The following FCHO1 variants were observed in gnomAD, a reference collection of about 807,000 sequenced individuals.
FCHO1 encodes the protein FCH and mu domain containing endocytic adaptor 1.
FCHO1 carries 45 observed loss-of-function variants against 114.4 expected under a neutral mutation model. The ratio of observed to expected loss-of-function variants is 0.39; its 90% CI spans 0.31 to 0.50. The LOEUF (loss-of-function observed/expected upper bound fraction) is 0.50, where lower values mean the gene tolerates loss of function less well. Among genes scored for constraint, FCHO1 ranks in the 20% least tolerant of loss-of-function variants. FCHO1 has a pLI of 0.77. For missense variants in FCHO1, 1,042 were observed against 1,209.6 expected (o/e 0.86, Z 2.06); for synonymous variants, 480 against 488.9 (o/e 0.98, Z 0.24).
intron 1 of FCHO1, chr19:17,752,138 T>C (rs1294749719): frequency 1.3e-5 from 2 of 152,240 alleles, no homozygotes; most frequent in South Asian, 2.1e-4. Context: ...TAGAACAATG[T>C]TGGCCATCCA....
At chr19:17,783,592 T>G (rs1239936279) in intron 24 of FCHO1, among the ~76,000 whole-genome samples, 1 of 150,060 alleles carries the variant, frequency 6.7e-6, no homozygotes, top group East Asian at 2.0e-4. Context: ...TAATTATTAT[T>G]TTTTTGAGAT....
chr19:17,770,383 GA>G (rs775350674), intron 7 of FCHO1, 41 bp from the exon 8 acceptor site: 1 of 1,568,948 alleles, frequency 6.4e-7, no homozygotes, highest in Non-Finnish European at 8.7e-7. Context: ...GGGAGGTCAG[GA>G]ATTTCACAGT....
chr19:17,783,078 T>C lies in FCHO1; in HGVS notation c.1999T>C (p.Phe667Leu). 3 of 1,614,114 alleles carry C rather than the reference T, an allele frequency of 1.9e-6. No homozygotes were observed. Among genetic ancestry groups the C allele is most frequent in the Non-Finnish European group, 2.5e-6 (3 of 1,180,010 alleles). ...CTTCCCTGCTGGCATCGTGCGTGTG[T>C]TCAGCGGGACCCCACCACCACCTGT... ...MTFPAGIVRV[F>L]SGTPPPPVLS... The change falls in exon 24 of 29, where the codon TTC (phenylalanine) becomes CTC (leucine). Residue 667 changes from phenylalanine to leucine, a missense_variant. This residue lies in a region of FCHO1 where 455 missense variants were observed against 455.4 expected (regional missense o/e 1.00). Transcript: ENST00000596536.
Position 17,775,526 on chromosome 19 carries a change from C to T in FCHO1, c.1003+13C>T, listed in dbSNP as rs776855195. On this transcript the variant is annotated intron_variant, in intron 15 of 28. Transcript: ENST00000596536. The surrounding 1 kb of genome is among the most constrained non-coding windows in gnomAD (Gnocchi z 5.1). ...GTGACCCAGAACAATATCCTTCTGG[C>T]ACCCCCTGGGGGCAGTTGTTGGCAC... The T allele has an allele frequency of 3.1e-6, 5 of 1,612,752 alleles. No individual in the cohort carries two copies. In the South Asian group the frequency reaches 5.5e-5, roughly 18 times the overall value.
chr19:17,763,738 T>A (rs1053310000), intron 5 of FCHO1, among the ~76,000 whole-genome samples: 18 of 151,484 alleles, frequency 1.2e-4, no homozygotes, highest in African/African-American at 4.4e-4. Context: ...AAAAAAAATT[T>A]TTTTTGTAGA....
rs753136730 is a variant in FCHO1 at position 17,776,007 on chromosome 19, C to T, written c.1028C>T (p.Ser343Leu). The change falls in exon 16 of 29, where the codon TCG becomes TTG. Residue 343 changes from serine (S) to leucine (L), a missense_variant. By Grantham distance (145) the Ser-to-Leu change is moderately radical. Transcript: ENST00000596536. This position sits in a 1 kb window ranked among gnomAD's most constrained non-coding sequence, Gnocchi z 4.4. ...QNSTAEPSRF[S>L]SSDSDFDDEE... ...CGCACGGCCGAGCCCTCCCGTTTCT[C>T]GTCCAGCGACTCCGACTTCGACGAT... The T allele has an allele frequency of 1.2e-5, 20 of 1,608,618 alleles. No individual in the cohort carries two copies. The highest frequency in any genetic ancestry group is 2.2e-5 in the East Asian group (1 of 44,884).
chr19:17,777,511 G>A (rs1383094430), intron 18 of FCHO1, among the ~76,000 whole-genome samples: 2 of 135,102 alleles, frequency 1.5e-5, no homozygotes. Context: ...ATTCCAGCCT[G>A]GGCAGCAAGA....
rs769439585 is a variant in FCHO1 at position 17,784,243 on chromosome 19, A to C, written c.2226+8A>C. 1 of 1,593,390 alleles carries C rather than the reference A, an allele frequency of 6.3e-7. No homozygotes were observed. The highest frequency in any genetic ancestry group is 8.5e-7 in the Non-Finnish European group (1 of 1,170,398). On this transcript the variant is annotated splice_region_variant and intron_variant, in intron 25 of 28. Transcript: ENST00000596536. This position sits in a 1 kb window ranked among gnomAD's most constrained non-coding sequence, Gnocchi z 5.3. ...GTGCTGCTGCGATACCAGGTGCGCC[A>C]CCCGCATGGGGCCGGGAGGAGGTGG...
chr19:17,778,657 C>A lies in FCHO1; in HGVS notation c.1400C>A (p.Ser467Ter), dbSNP rs867211795. Residue 467 changes from serine to a stop codon, truncating the protein, a stop_gained, in exon 20 of 29, where the codon TCG becomes TAG. Transcript: ENST00000596536. LOFTEE classifies it high-confidence loss of function. ...TCCAGCCCCTCCCCTTTCTCCTCCT[C>A]GTCGCCCGAAAACGTGGAGGATTCC... ...FTSSPSPFSS[S>*]SPENVEDSGL... 1 of 1,575,778 alleles carries A rather than the reference C, an allele frequency of 6.3e-7. No individual in the cohort carries two copies. Among genetic ancestry groups the A allele is most frequent in the Non-Finnish European group, 8.6e-7 (1 of 1,164,714 alleles).
chr19:17,775,949 G>T lies in FCHO1; in HGVS notation c.1004-34G>T, dbSNP rs377301060. On this transcript the variant is annotated intron_variant, in intron 15 of 28. Transcript: ENST00000596536. The surrounding 1 kb of genome is among the most constrained non-coding windows in gnomAD (Gnocchi z 5.1). ...GAGAGCTGACTGGGGGAAAGCTTGT[G>T]TTGGGATTGGCTTGGACCTTGACTG... 12 of 1,597,124 alleles carry T rather than the reference G, an allele frequency of 7.5e-6. No individual in the cohort carries two copies. In the African/African-American group the frequency reaches 1.6e-4, roughly 21 times the overall value.
chr19:17,765,938 G>A (rs1416935985), intron 6 of FCHO1, among the ~76,000 whole-genome samples: 2 of 142,014 alleles, frequency 1.4e-5, no homozygotes, highest in Non-Finnish European at 3.0e-5. Context: ...GCCCAGGCTG[G>A]AGTGCAGTGG....
chr19:17,783,752 T>C (rs1043299357), intron 24 of FCHO1, among the ~76,000 whole-genome samples: 3 of 151,990 alleles, frequency 2.0e-5, no homozygotes, highest in African/African-American at 7.2e-5. Flanking sequence ...GGCTGATTTT[T>C]GTATTTTTAG....
At chr19:17,759,699 G>A (rs996001009) in intron 4 of FCHO1, among the ~76,000 whole-genome samples, 32 of 151,730 alleles carry the variant, frequency 2.1e-4, no homozygotes, top group Admixed American at 2.0e-3. Context: ...TTGGGAGGCC[G>A]AGGCAGGCAG....
chr19:17,784,349 C>T lies in FCHO1; in HGVS notation c.2226+114C>T. On this transcript the variant is annotated intron_variant, in intron 25 of 28. Transcript: ENST00000596536. The surrounding 1 kb of genome is among the most constrained non-coding windows in gnomAD (Gnocchi z 5.3). ...CAGGCTGGTCTCGAATTCCTGACCT[C>T]AAGAGATCCAATCTGTGAGAGCCGA... 1 of 1,305,482 alleles carries T rather than the reference C, an allele frequency of 7.7e-7. No individual in the cohort carries two copies. Among genetic ancestry groups the T allele is most frequent in the African/African-American group, 1.5e-5 (1 of 68,396 alleles). The allele number at this position is 1,305,482 out of a possible 1,614,324, so 80.9% of individuals were successfully genotyped here. A position where few individuals can be genotyped will look rare whatever the true frequency, so the allele number is the denominator to read the frequency against.
chr19:17,757,077 T>C (rs1455168826), intron 4 of FCHO1, among the ~76,000 whole-genome samples: 1 of 150,706 alleles, frequency 6.6e-6, no homozygotes, highest in African/African-American at 2.4e-5. Flanking sequence ...TAGTCCCAGC[T>C]ACTCGAGAGG....
At chr19:17,774,566 T>C in intron 13 of FCHO1, 88 bp downstream of exon 13, 1 of 1,058,428 alleles carries the variant, frequency 9.4e-7, no homozygotes, top group Middle Eastern at 3.0e-4. Context: ...CCTCCTAGGA[T>C]AGCCCAGGAG....
chr19:17,778,747 G>C lies in FCHO1; in HGVS notation c.1490G>C (p.Gly497Ala), dbSNP rs771028517. ...PSPDSWVPRP[G>A]TPQSPPSCRA... ...CCAGATTCCTGGGTCCCCCGCCCAG[G>C]CACCCCGCAGAGCCCGCCCAGCTGT... The change falls in exon 20 of 29, where the codon GGC becomes GCC. Residue 497 changes from glycine to alanine, a missense_variant. This residue lies in a region of FCHO1 where 455 missense variants were observed against 455.4 expected (regional missense o/e 1.00). Coordinates refer to ENST00000596536, the MANE Select transcript of FCHO1 (RefSeq NM_015122.3). The C allele has an allele frequency of 3.9e-6, 6 of 1,539,500 alleles. No homozygotes were observed. The East Asian group carries it at 1.5e-4, about 38-fold the overall frequency.
Position 17,786,608 on chromosome 19 carries a change from C to T in FCHO1, c.2461C>T (p.Pro821Ser), listed in dbSNP as rs1326344185. 2 of 1,603,904 alleles carry T rather than the reference C, an allele frequency of 1.2e-6. No individual in the cohort carries two copies. Among genetic ancestry groups the T allele is most frequent in the Non-Finnish European group, 1.7e-6 (2 of 1,174,696 alleles). The change falls in exon 27 of 29, where the codon CCA becomes TCA. Residue 821 changes from proline to serine, a missense_variant. Coordinates refer to ENST00000596536, the MANE Select transcript of FCHO1 (RefSeq NM_015122.3). ...GGAGAAGCGGCTCACTTGGAGGCTT[C>T]CAGATGTGTCCGAGGCAGGCGGTGA... The part of the protein sequence containing the change: ...LEEKRLTWRL[P>S]DVSEAGGSGR...
At chr19:17,749,712 G>T (rs978735853), upstream of FCHO1, among the ~76,000 whole-genome samples, 2 of 152,128 alleles carry the variant, frequency 1.3e-5, no homozygotes, top group South Asian at 4.1e-4. Flanking sequence ...ATAAGATACT[G>T]CCTTGAGGTG....
Sources: allele counts gnomAD v4.1 joint callset (sites outside exome capture counted in the v4.1 genomes callset), GRCh38; gene constraint gnomAD v4.1.1; regional missense constraint gnomAD v4.1.1; non-coding constraint Gnocchi (gnomAD v3.1); transcripts MANE v1.5; gene names NCBI Gene and HGNC (gene_info 2026-07-23, HGNC 2026-07-21).